Variants in PTPRE observed in about 807,000 individuals in gnomAD.
PTPRE encodes protein tyrosine phosphatase receptor type E.
PTPRE carries 51 observed loss-of-function variants against 102.0 expected under a neutral mutation model. The observed-to-expected ratio is 0.50, with a 90% confidence interval of 0.40 to 0.63. PTPRE has a LOEUF of 0.63. PTPRE is among the 30% of genes least tolerant of loss of function. The pLI, the probability that PTPRE is intolerant of heterozygous loss-of-function variation, is 0.00. For synonymous variants in PTPRE, 345 were observed against 348.2 expected (o/e 0.99, Z 0.10); for missense variants, 752 against 915.1 (o/e 0.82, Z 2.30).
intron 2 of PTPRE, among the ~76,000 whole-genome samples, chr10:127,985,290 A>C (rs193158804): frequency 1.3e-5 from 2 of 152,394 alleles, no homozygotes; most frequent in Non-Finnish European, 2.9e-5. Flanking sequence ...ATTTAATAAA[A>C]GCTAGCTATG....
chr10:128,038,202 C>A lies in PTPRE; in HGVS notation c.-7-2673C>A, dbSNP rs879820265. Among the ~76,000 whole-genome samples the A allele has an allele frequency of 8.0e-4, 122 of 152,312 alleles. 1 individual carries two copies. Among genetic ancestry groups the A allele is most frequent in the Admixed American group, 5.8e-3 (89 of 15,300 alleles). ...CCCACTGAGAGTGAATGGCCAGGGA[C>A]TGGCAAGTTGTCATTGGCCTTAAAA... On this transcript the variant is annotated intron_variant, in intron 2 of 20. Transcript: ENST00000254667.
chr10:128,000,489 G>C (rs925152857), intron 2 of PTPRE, among the ~76,000 whole-genome samples: 7 of 152,038 alleles, frequency 4.6e-5, no homozygotes, highest in African/African-American at 1.7e-4. Context: ...TTTTTTAGAA[G>C]CATACTGCTT....
At chr10:128,036,938 G>A (rs1292776604) in intron 2 of PTPRE, among the ~76,000 whole-genome samples, 1 of 152,212 alleles carries the variant, frequency 6.6e-6, no homozygotes, top group Non-Finnish European at 1.5e-5. Flanking sequence ...AGGCTATCCT[G>A]TGTCAGGAGC....
intron 2 of PTPRE, among the ~76,000 whole-genome samples, chr10:128,030,761 C>T (rs1021792974): frequency 3.9e-5 from 6 of 152,142 alleles, no homozygotes; most frequent in Non-Finnish European, 5.9e-5. Flanking sequence ...TGGTCGCCCG[C>T]GTCCTATTCA....
chr10:127,923,057 G>A (rs1174496140), intron 1 of PTPRE, among the ~76,000 whole-genome samples: 5 of 152,224 alleles, frequency 3.3e-5, no homozygotes, highest in East Asian at 1.9e-4. Flanking sequence ...AGCGTCTGGC[G>A]GCATTCCCAG....
chr10:128,059,166 G>A (rs1203797678), intron 7 of PTPRE, among the ~76,000 whole-genome samples: 3 of 152,206 alleles, frequency 2.0e-5, no homozygotes, highest in Non-Finnish European at 4.4e-5. Flanking sequence ...TCCTCAAAGC[G>A]TAAACCATTC....
chr10:128,070,403 G>C lies in PTPRE; in HGVS notation c.1246G>C (p.Gly416Arg), dbSNP rs150158948. 2 of 1,614,024 alleles carry C rather than the reference G, an allele frequency of 1.2e-6. No individual in the cohort carries two copies. Among genetic ancestry groups the C allele is most frequent in the African/African-American group, 1.3e-5 (1 of 74,910 alleles). Reference protein sequence around the residue: ...SLEKHLQTMHGTTTHFDKIGL... With the variant: ...SLEKHLQTMHRTTTHFDKIGL... ...GGAGAAGCACCTGCAGACCATGCACGGCACCACCACCCACTTCGACAAGAT... is the reference window on the plus strand; with the variant it reads ...GGAGAAGCACCTGCAGACCATGCACCGCACCACCACCCACTTCGACAAGAT... The change falls in exon 14 of 21, where the codon GGC becomes CGC. Residue 416 changes from glycine to arginine, a missense_variant. Physicochemically the swap from Gly to Arg is moderately radical, Grantham distance 125 (BLOSUM62 -2). Coordinates refer to ENST00000254667, the MANE Select transcript of PTPRE (RefSeq NM_006504.6). The surrounding 1 kb of genome is among the most constrained non-coding windows in gnomAD (Gnocchi z 4.8).
At chr10:128,080,667 C>T (rs545375469) in intron 20 of PTPRE, among the ~76,000 whole-genome samples, 3 of 152,224 alleles carry the variant, frequency 2.0e-5, no homozygotes, top group Non-Finnish European at 4.4e-5. Context: ...CTGTGCTCTT[C>T]CTGACCGCAG....
chr10:128,081,268 A>T (rs897833531), intron 20 of PTPRE, among the ~76,000 whole-genome samples: 6 of 152,166 alleles, frequency 3.9e-5, no homozygotes, highest in Non-Finnish European at 8.8e-5. Context: ...ATTGCTGAGC[A>T]CTCAGGGAAG....
chr10:127,961,252 C>T (rs887770550), intron 1 of PTPRE, among the ~76,000 whole-genome samples: 8 of 152,310 alleles, frequency 5.3e-5, no homozygotes, highest in South Asian at 2.1e-4. Context: ...AATATCCCAG[C>T]TGCAGTCTAA....
intron 2 of PTPRE, among the ~76,000 whole-genome samples, chr10:127,989,869 A>C (rs1852456011): frequency 1.3e-5 from 2 of 152,186 alleles, no homozygotes; most frequent in Non-Finnish European, 2.9e-5. Context: ...CCAGCTTTCT[A>C]ATCTCTTTTC....
At chr10:127,996,012 G>C (rs1853227598) in intron 2 of PTPRE, among the ~76,000 whole-genome samples, 1 of 152,218 alleles carries the variant, frequency 6.6e-6, no homozygotes, top group South Asian at 2.1e-4. Context: ...TGGTCTTAAA[G>C]AGCCTGGTTT....
At chr10:128,066,712 A>G (rs1377515481) in intron 11 of PTPRE, among the ~76,000 whole-genome samples, 1 of 152,256 alleles carries the variant, frequency 6.6e-6, no homozygotes, top group African/African-American at 2.4e-5. Context: ...GAGAAAAGAC[A>G]GAAGACCATT....
chr10:127,995,995 C>G (rs550539280), intron 2 of PTPRE, among the ~76,000 whole-genome samples: 10 of 152,180 alleles, frequency 6.6e-5, no homozygotes, highest in Non-Finnish European at 1.3e-4. Flanking sequence ...GTCTTAGATG[C>G]CAGCCTTGGT....
intron 2 of PTPRE, among the ~76,000 whole-genome samples, chr10:128,031,531 G>A (rs72847358): frequency 0.18 from 27,147 of 152,262 alleles, 2,670 homozygotes; most frequent in Admixed American, 0.22. Flanking sequence ...GGTGTTTTGG[G>A]CAGTGGTTCT....
At chr10:127,974,486 T>G (rs1850994797) in intron 1 of PTPRE, among the ~76,000 whole-genome samples, 1 of 152,192 alleles carries the variant, frequency 6.6e-6, no homozygotes, top group African/African-American at 2.4e-5. Flanking sequence ...AGTGTTCTGC[T>G]TCCATCTTTC....
chr10:128,082,104 A>T (rs961160332), intron 20 of PTPRE, among the ~76,000 whole-genome samples: 1 of 152,076 alleles, frequency 6.6e-6, no homozygotes, highest in Admixed American at 6.5e-5. Flanking sequence ...TGTAGGCTTT[A>T]AAATAATCTA....
intron 2 of PTPRE, among the ~76,000 whole-genome samples, chr10:128,025,158 C>CAAAAAAAAAAAAAAAAA (rs71472683): frequency 4.6e-5 from 3 of 65,794 alleles, no homozygotes; most frequent in African/African-American, 6.6e-5. Flanking sequence ...GATCCTGTCT[C>CAAAAAAAAAAAAAAAAA]AAAAAAAAAA....
chr10:127,960,804 A>C (rs1000832263), intron 1 of PTPRE, among the ~76,000 whole-genome samples: 29 of 152,100 alleles, frequency 1.9e-4, no homozygotes, highest in African/African-American at 6.0e-4. Context: ...TGGGCGGATC[A>C]CTAGGTCAGG....
Sources: gnomAD v4.1 joint callset for allele counts (sites outside exome capture counted in the v4.1 genomes callset) on GRCh38, gnomAD v4.1.1 for gene constraint, Gnocchi (gnomAD v3.1) non-coding constraint, MANE v1.5 for transcripts, NCBI Gene and HGNC (gene_info 2026-07-23, HGNC 2026-07-21) for gene names.